KLHL32: variants seen among roughly 807,000 people sequenced by gnomAD.
KLHL32 encodes the protein kelch like family member 32, also known as kelch-like protein 32.
Under a neutral mutation model 64.8 loss-of-function variants are expected in KLHL32, and 35 were observed. That is an observed-to-expected ratio of 0.54 (90% CI 0.41 to 0.72). The LOEUF (loss-of-function observed/expected upper bound fraction) is 0.72, where lower values mean the gene tolerates loss of function less well. Ranked by LOEUF, KLHL32 falls within the 30% of genes least tolerant of loss-of-function variation. The pLI, the probability that KLHL32 is intolerant of heterozygous loss-of-function variation, is 0.00. For synonymous variants in KLHL32, 259 were observed against 281.0 expected (o/e 0.92, Z 0.78); for missense variants, 589 against 768.5 (o/e 0.77, Z 2.76).
intron 3 of KLHL32, among the ~76,000 whole-genome samples, chr6:96,977,647 T>G (rs370913220): frequency 2.0e-5 from 3 of 152,292 alleles, no homozygotes; most frequent in East Asian, 3.9e-4. Context: ...ATTTGTTGAT[T>G]GGTTTGAATA....
upstream of KLHL32, among the ~76,000 whole-genome samples, chr6:96,922,484 T>A (rs1007271080): frequency 1.5e-5 from 2 of 137,918 alleles, no homozygotes; most frequent in African/African-American, 5.6e-5. Context: ...AGTTTTCAGT[T>A]GCAACCAAAG....
At chr6:97,025,376 T>C (rs950380626) in intron 3 of KLHL32, among the ~76,000 whole-genome samples, 7 of 152,238 alleles carry the variant, frequency 4.6e-5, no homozygotes, top group African/African-American at 1.7e-4. Context: ...GCTGTGACTC[T>C]AATGAGAGAT....
chr6:97,072,877 TAA>T (rs1325642225), intron 5 of KLHL32, among the ~76,000 whole-genome samples: 1 of 152,194 alleles, frequency 6.6e-6, no homozygotes, highest in Non-Finnish European at 1.5e-5. Context: ...CCCCAAGACA[TAA>T]GTTTATGTCC....
At chr6:96,911,075 T>C in the KLHL32 span, among the ~76,000 whole-genome samples, 1 of 152,194 alleles carries the variant, frequency 6.6e-6, no homozygotes, top group Non-Finnish European at 1.5e-5. Flanking sequence ...CTGAATTAGT[T>C]TTCTAGGGTT....
chr6:97,046,742 GGAGT>G (rs1785987621), intron 4 of KLHL32, among the ~76,000 whole-genome samples: 1 of 152,102 alleles, frequency 6.6e-6, no homozygotes, highest in African/African-American at 2.4e-5. Context: ...CTCTTACTAT[GGAGT>G]CGACATTAAC....
At chr6:97,019,703 A>G (rs1229785296) in intron 3 of KLHL32, among the ~76,000 whole-genome samples, 4 of 152,362 alleles carry the variant, frequency 2.6e-5, no homozygotes, top group East Asian at 1.9e-4. Flanking sequence ...AATAAGAGCT[A>G]TGCTTTCAAC....
chr6:97,037,437 A>G (rs950258830), intron 3 of KLHL32, among the ~76,000 whole-genome samples: 4 of 152,138 alleles, frequency 2.6e-5, no homozygotes, highest in Non-Finnish European at 4.4e-5. Flanking sequence ...TATTAGTTCA[A>G]TAGTACAAAG....
At chr6:97,032,057 C>CTGAG (rs1783635414) in intron 3 of KLHL32, among the ~76,000 whole-genome samples, 1 of 152,220 alleles carries the variant, frequency 6.6e-6, no homozygotes, top group Non-Finnish European at 1.5e-5. Context: ...GATAAAGAGC[C>CTGAG]TGAGGCTCAG....
At chr6:96,931,356 C>T (rs1471312363) in intron 1 of KLHL32, among the ~76,000 whole-genome samples, 6 of 152,248 alleles carry the variant, frequency 3.9e-5, no homozygotes, top group East Asian at 1.9e-4. Flanking sequence ...AGTCACCCCC[C>T]GGCTCATGGG....
intron 4 of KLHL32, among the ~76,000 whole-genome samples, chr6:97,055,815 AAAAAAAAC>A (rs1485675264): frequency 1.3e-5 from 2 of 148,316 alleles, no homozygotes; most frequent in African/African-American, 5.1e-5. Flanking sequence ...AAAAAAAAAA[AAAAAAAAC>A]CCCTTCTTAT....
chr6:97,104,620 G>GA (rs34633969), intron 6 of KLHL32, among the ~76,000 whole-genome samples: 3 of 152,020 alleles, frequency 2.0e-5, no homozygotes, highest in Non-Finnish European at 4.4e-5. Flanking sequence ...TTTCTTAGAA[G>GA]AAAAAATAGC....
rs749062658 is a variant in KLHL32, at chr6:96,976,036, C to G, written c.63C>G (p.Ser21=). 5.6e-6 allele frequency: 9 copies of G among 1,594,062 alleles called. No homozygotes were observed. The highest frequency in any genetic ancestry group is 7.7e-6 in the Non-Finnish European group (9 of 1,165,532). The stretch of plus-strand genomic sequence containing the variant: ...TGACAGGCCAGAGGCTCTGCCACTC[C>G]GAATCTCACAATGACAGTGTCCTGG... ...EMLTGQRLCH[S]ESHNDSVLAA... is the part of the protein sequence containing the mutation. Residue 21 remains serine, a synonymous_variant, in exon 3 of 11, where the codon TCC becomes TCG. Coordinates refer to ENST00000369261, the MANE Select transcript of KLHL32 (RefSeq NM_052904.4).
At chr6:96,925,988 C>T (rs1262825888) in intron 1 of KLHL32, among the ~76,000 whole-genome samples, 1 of 152,012 alleles carries the variant, frequency 6.6e-6, no homozygotes, top group Non-Finnish European at 1.5e-5. Context: ...GGGTCCTCTA[C>T]TGGAACACTG....
At chr6:96,927,497 C>T (rs939107022) in intron 1 of KLHL32, among the ~76,000 whole-genome samples, 17 of 152,160 alleles carry the variant, frequency 1.1e-4, no homozygotes, top group Non-Finnish European at 5.9e-5. Flanking sequence ...GAGAAGCTGC[C>T]ATTTTCTCGT....
chr6:96,997,357 C>G (rs755617591), intron 3 of KLHL32, among the ~76,000 whole-genome samples: 1 of 152,106 alleles, frequency 6.6e-6, no homozygotes, highest in Non-Finnish European at 1.5e-5. Context: ...TGGGCCCTCC[C>G]AAACCCCTCT....
chr6:97,056,531 G>T (rs376847257), intron 4 of KLHL32, among the ~76,000 whole-genome samples: 20 of 151,990 alleles, frequency 1.3e-4, no homozygotes, highest in African/African-American at 4.6e-4. Context: ...CACTCTGTAG[G>T]CTTCAAATCC....
the KLHL32 span, among the ~76,000 whole-genome samples, chr6:96,902,596 G>T: frequency 9.9e-5 from 15 of 152,134 alleles, no homozygotes; most frequent in Non-Finnish European, 1.8e-4. Context: ...AGTTTAATTA[G>T]ATCCCATTTG....
At chr6:97,102,505 G>A (rs1249211356) in intron 6 of KLHL32, among the ~76,000 whole-genome samples, 3 of 152,156 alleles carry the variant, frequency 2.0e-5, no homozygotes, top group South Asian at 2.1e-4. Context: ...GACATGTTAT[G>A]TAAATATGCA....
chr6:97,001,975 A>AATAG (rs1033209421), intron 3 of KLHL32, among the ~76,000 whole-genome samples: 2 of 152,272 alleles, frequency 1.3e-5, no homozygotes, highest in Admixed American at 6.5e-5. Context: ...AACTAAGAGG[A>AATAG]ATAGATAGAT....
Sources: allele counts gnomAD v4.1 joint callset (sites outside exome capture counted in the v4.1 genomes callset), GRCh38; gene constraint gnomAD v4.1.1; transcripts MANE v1.5; gene names NCBI Gene and HGNC (gene_info 2026-07-23, HGNC 2026-07-21).